The following TXNDC15 variants were observed in gnomAD, a reference collection of about 807,000 sequenced individuals.
The protein encoded by TXNDC15 is thioredoxin domain containing 15.
A neutral mutation model predicts 35.0 loss-of-function variants in TXNDC15; 24 were observed. That is an observed-to-expected ratio of 0.68 (90% CI 0.50 to 0.96). The LOEUF (loss-of-function observed/expected upper bound fraction) is 0.96, where lower values mean the gene tolerates loss of function less well. Among genes scored for constraint, TXNDC15 ranks in the 40% least tolerant of loss-of-function variants. TXNDC15 has a pLI of 0.00. For missense variants in TXNDC15, 385 were observed against 453.3 expected (o/e 0.85, Z 1.37); for synonymous variants, 169 against 174.0 (o/e 0.97, Z 0.23).
rs191062680 is a variant in TXNDC15 at position 134,890,532 on chromosome 5, C to T, written c.591+2350C>T. 1.6e-3 allele frequency among the ~76,000 whole-genome samples: 244 copies of T among 152,116 alleles called. 1 individual carries two copies. Among genetic ancestry groups the T allele is most frequent in the African/African-American group, 5.5e-3 (228 of 41,502 alleles). On this transcript the variant is annotated intron_variant, in intron 2 of 4. Coordinates refer to ENST00000358387, the MANE Select transcript of TXNDC15 (RefSeq NM_024715.4). Reference sequence around the variant, plus strand: ...AAGCTATTCTCCCACTGCAGCCTCTCGCCGAATAACTGGGATTACAGGCGT... The same window carrying T: ...AAGCTATTCTCCCACTGCAGCCTCTTGCCGAATAACTGGGATTACAGGCGT...
rs959147939 is a variant in TXNDC15, at chr5:134,891,857, A to G, written c.592-1635A>G. Among the ~76,000 whole-genome samples, 5 of 152,314 alleles carry G rather than the reference A, an allele frequency of 3.3e-5. No homozygotes were observed. The Middle Eastern group carries it at 0.014, about 414-fold the overall frequency. On this transcript the variant is annotated intron_variant, in intron 2 of 4. Transcript: ENST00000358387. ...CTTGAGCCCAGAGGCTGAGGCTGCC[A>G]TGAGCCATGATTGCGCCACTGTACT... is the stretch of plus-strand genomic sequence containing the variant.
chr5:134,884,582 T>G (rs1389385843), intron 1 of TXNDC15, among the ~76,000 whole-genome samples: 1 of 146,702 alleles, frequency 6.8e-6, no homozygotes, highest in Non-Finnish European at 1.5e-5. Flanking sequence ...TAGTTATTTT[T>G]TTGAGACAGG....
At chr5:134,877,904 C>T (rs191841757) in intron 1 of TXNDC15, among the ~76,000 whole-genome samples, 3 of 151,948 alleles carry the variant, frequency 2.0e-5, no homozygotes, top group Admixed American at 2.0e-4. Context: ...TCCTGAGTAG[C>T]TGGGATTACA....
intron 4 of TXNDC15, 107 bp from the exon 5 acceptor site, chr5:134,899,382 C>T: frequency 1.1e-6 from 1 of 887,482 alleles, no homozygotes; most frequent in Non-Finnish European, 1.8e-6. Flanking sequence ...AGTGGCAATG[C>T]TTATTTTAGG....
chr5:134,894,500 T>C (rs1039262540), intron 3 of TXNDC15, among the ~76,000 whole-genome samples: 14 of 151,814 alleles, frequency 9.2e-5, no homozygotes, highest in African/African-American at 3.1e-4. Flanking sequence ...CCTGAGTAGC[T>C]GGGATTACAA....
chr5:134,899,359 T>TTA (rs923898642), intron 4 of TXNDC15, 130 bp from the exon 5 acceptor site: 11 of 707,844 alleles, frequency 1.6e-5, no homozygotes, highest in African/African-American at 1.5e-4. Flanking sequence ...TCCCATATAT[T>TTA]TATATATATA....
At position 134,887,962 on chromosome 5, in the gene TXNDC15, G is replaced by A; in HGVS notation, c.371G>A (p.Cys124Tyr). The change falls in exon 2 of 5, where the codon TGC (cysteine) becomes TAC (tyrosine). Residue 124 changes from cysteine to tyrosine, a missense_variant. Cys to Tyr is a radical substitution (Grantham distance 194). Transcript: ENST00000358387. ...CGAGGAEDSR[C>Y]NVRESLFSLD... ...GCTGGAGGAGCGGAGGACTCAAGGT[G>A]CAACGTCCGAGAGAGCCTTTTCTCT... 1.2e-6 allele frequency: 2 copies of A among 1,614,258 alleles called. No individual in the cohort carries two copies. The highest frequency in any genetic ancestry group is 2.2e-5 in the East Asian group (1 of 44,890).
In TXNDC15 at chr5:134,888,110, A is replaced by C. The variant is rs1750315966; in HGVS notation, c.519A>C (p.Pro173=). The change falls in exon 2 of 5, where the codon CCA becomes CCC. Residue 173 remains proline, a synonymous_variant. Coordinates refer to ENST00000358387, the MANE Select transcript of TXNDC15 (RefSeq NM_024715.4). ...DSNNTESLKS[P]KVNCEERNIT... The stretch of plus-strand genomic sequence containing the variant: ...ATAACACTGAAAGTCTGAAATCCCC[A>C]AAGGTGAACTGTGAGGAGAGAAACA... 6.2e-7 allele frequency: 1 copy of C among 1,614,104 alleles called. No individual in the cohort carries two copies. The highest frequency in any genetic ancestry group is 1.3e-5 in the African/African-American group (1 of 74,942).
intron 1 of TXNDC15, among the ~76,000 whole-genome samples, chr5:134,884,950 T>C (rs1057291882): frequency 6.6e-6 from 1 of 151,788 alleles, no homozygotes; most frequent in African/African-American, 2.4e-5. Flanking sequence ...TGAGACGGAT[T>C]TCTCTCTTGT....
chr5:134,882,525 C>T (rs1750174571), intron 1 of TXNDC15, among the ~76,000 whole-genome samples: 1 of 152,224 alleles, frequency 6.6e-6, no homozygotes, highest in Non-Finnish European at 1.5e-5. Context: ...GAGCCGAGAT[C>T]ACGCCACTGC....
At chr5:134,890,384 CTCT>C (rs549102576) in intron 2 of TXNDC15, among the ~76,000 whole-genome samples, 173 of 146,710 alleles carry the variant, frequency 1.2e-3, no homozygotes, top group African/African-American at 4.4e-3. Context: ...CTTTTCTCTT[CTCT>C]TCTTTTCTCT....
intron 1 of TXNDC15, among the ~76,000 whole-genome samples, chr5:134,881,602 C>A (rs1434899514): frequency 1.5e-5 from 2 of 131,090 alleles, no homozygotes; most frequent in Non-Finnish European, 3.2e-5. Flanking sequence ...TACACAGACA[C>A]GGCAACCATC....
chr5:134,877,928 A>G (rs1363065803), intron 1 of TXNDC15, among the ~76,000 whole-genome samples: 1 of 151,946 alleles, frequency 6.6e-6, no homozygotes, highest in Non-Finnish European at 1.5e-5. Context: ...ACCCGTCACT[A>G]CACCCCGGCT....
chr5:134,889,852 A>G (rs944208444), intron 2 of TXNDC15, among the ~76,000 whole-genome samples: 1 of 152,252 alleles, frequency 6.6e-6, no homozygotes, highest in African/African-American at 2.4e-5. Flanking sequence ...TTTATTAAGT[A>G]TGCAGTAGCA....
At chr5:134,896,194 C>T (rs1360729975) in intron 3 of TXNDC15, 100 bp from the exon 4 acceptor site, 13 of 1,406,896 alleles carry the variant, frequency 9.2e-6, no homozygotes, top group Non-Finnish European at 1.2e-5. Flanking sequence ...AGGTCACACG[C>T]AACTTCCTCA....
At chr5:134,878,448 A>C (rs531159576) in intron 1 of TXNDC15, among the ~76,000 whole-genome samples, 4 of 152,270 alleles carry the variant, frequency 2.6e-5, no homozygotes, top group Non-Finnish European at 5.9e-5. Flanking sequence ...GAAAGTATGG[A>C]TTGCTGTCCC....
At chr5:134,881,639 TC>T (rs1312601058) in intron 1 of TXNDC15, among the ~76,000 whole-genome samples, 2 of 140,138 alleles carry the variant, frequency 1.4e-5, no homozygotes, top group African/African-American at 2.7e-5. Context: ...TCCCCACCTT[TC>T]CCCCCTTTCT....
At chr5:134,882,712 C>T (rs1247703636) in intron 1 of TXNDC15, among the ~76,000 whole-genome samples, 2 of 152,054 alleles carry the variant, frequency 1.3e-5, no homozygotes, top group Admixed American at 6.5e-5. Flanking sequence ...TGGCGGCGCG[C>T]GCCTGCAATC....
At chr5:134,881,946 G>A (rs1441997874) in intron 1 of TXNDC15, among the ~76,000 whole-genome samples, 1 of 148,532 alleles carries the variant, frequency 6.7e-6, no homozygotes, top group African/African-American at 2.5e-5. Context: ...GTGGGGGGCT[G>A]ACCCCCCCAC....
Sources: gnomAD v4.1 joint callset for allele counts (sites outside exome capture counted in the v4.1 genomes callset) on GRCh38, gnomAD v4.1.1 for gene constraint, MANE v1.5 for transcripts, NCBI Gene and HGNC (gene_info 2026-07-23, HGNC 2026-07-21) for gene names.